ATP8B4: variants seen among roughly 807,000 people sequenced by gnomAD.
ATP8B4 encodes the protein probable phospholipid-transporting ATPase IM.
ATP8B4 carries 133 observed loss-of-function variants against 145.6 expected under a neutral mutation model. The observed-to-expected ratio is 0.91, with a 90% CI of 0.79 to 1.05. The LOEUF is 1.05. Among genes scored for constraint, ATP8B4 ranks in the 50% least tolerant of loss-of-function variants. The pLI is 0.00. For synonymous variants in ATP8B4, 507 were observed against 492.9 expected, an observed-to-expected ratio of 1.03 and a Z score of -0.38; for missense variants, 1,458 against 1,425.2, an observed-to-expected ratio of 1.02 and a Z score of -0.37.
In ATP8B4 at chr15:49,898,178, C is replaced by T; in HGVS notation, c.2363G>A (p.Cys788Tyr). Residue 788 changes from cysteine (C) to tyrosine (Y), a missense_variant, in exon 22 of 28, where the codon TGC becomes TAC. Physicochemically the swap from Cys to Tyr is radical, Grantham distance 194 (BLOSUM62 -2). Coordinates refer to ENST00000284509, the MANE Select transcript of ATP8B4 (RefSeq NM_024837.4). ...LACMCKTVIC[C>Y]RVTPLQKAQV... ...GGCTTTCTGGAGTGGAGTGACCCTG[C>T]AGCAAATTACAGTCTTACACATGCA... 1 of 1,613,838 alleles carries T rather than the reference C, an allele frequency of 6.2e-7. No individual in the cohort carries two copies. The highest frequency in any genetic ancestry group is 8.5e-7 in the Non-Finnish European group (1 of 1,179,876).
At chr15:50,004,083 A>T (rs1176881917) in intron 7 of ATP8B4, among the ~76,000 whole-genome samples, 1 of 151,772 alleles carries the variant, frequency 6.6e-6, no homozygotes, top group Non-Finnish European at 1.5e-5. Context: ...TGTTCTCTGA[A>T]CCTTCCTCCT....
At chr15:49,930,924 C>A (rs1011090084) in intron 16 of ATP8B4, among the ~76,000 whole-genome samples, 195 bp downstream of exon 16, 2 of 151,868 alleles carry the variant, frequency 1.3e-5, no homozygotes, top group African/African-American at 4.8e-5. Flanking sequence ...GTGCTGGGCA[C>A]ATAATGAGCA....
intron 3 of ATP8B4, among the ~76,000 whole-genome samples, chr15:50,066,382 C>T (rs572782317): frequency 6.6e-6 from 1 of 152,100 alleles, no homozygotes; most frequent in African/African-American, 2.4e-5. Context: ...ATAACAAATG[C>T]AAGTTACTGG....
chr15:50,085,038 C>T (rs1310915301), intron 2 of ATP8B4, among the ~76,000 whole-genome samples: 1 of 152,152 alleles, frequency 6.6e-6, no homozygotes, highest in Admixed American at 6.5e-5. Flanking sequence ...TCTTATCTCT[C>T]TCTCCTACTC....
At chr15:50,153,471 G>A (rs1166264954) in intron 1 of ATP8B4, among the ~76,000 whole-genome samples, 3 of 151,740 alleles carry the variant, frequency 2.0e-5, no homozygotes, top group South Asian at 2.1e-4. Flanking sequence ...CCTGAGTAGC[G>A]GGAACTACAG....
chr15:50,095,292 T>C (rs541115848), intron 2 of ATP8B4, among the ~76,000 whole-genome samples: 2 of 152,098 alleles, frequency 1.3e-5, no homozygotes, highest in East Asian at 3.9e-4. Context: ...AGAGAGAGAA[T>C]ATTAGCAAAA....
chr15:50,039,720 T>C (rs181255191), intron 5 of ATP8B4, among the ~76,000 whole-genome samples: 8 of 148,252 alleles, frequency 5.4e-5, no homozygotes, highest in Non-Finnish European at 4.4e-5. Context: ...CAGAATGTTT[T>C]CTTTTTTTCT....
chr15:50,049,451 T>G (rs536589488), intron 3 of ATP8B4, among the ~76,000 whole-genome samples: 37 of 152,350 alleles, frequency 2.4e-4, no homozygotes, highest in African/African-American at 8.9e-4. Flanking sequence ...GCCTCCAGCT[T>G]CACCCATGCT....
At chr15:49,978,946 T>TAAG (rs1429483145) in intron 12 of ATP8B4, among the ~76,000 whole-genome samples, 5 of 152,096 alleles carry the variant, frequency 3.3e-5, no homozygotes, top group African/African-American at 1.2e-4. Context: ...GTAGAAGTTA[T>TAAG]AAATCATACT....
Position 50,038,789 on chromosome 15 carries a change from G to A in ATP8B4, c.341C>T (p.Ser114Phe). Residue 114 changes from serine to phenylalanine, a missense_variant, in exon 6 of 28, where the codon TCT (serine) becomes TTT (phenylalanine). By Grantham distance (155) the Ser-to-Phe change is radical. Transcript: ENST00000284509. The part of the protein sequence containing the change: ...KSDNQVNNRQ[S>F]EVLINSKLQN... Reference sequence around the variant, plus strand: ...TTACTTGCTGTTGATGAGCACTTCAGACTGCCGATTATTCACTTGATTATC... The same window carrying A: ...TTACTTGCTGTTGATGAGCACTTCAAACTGCCGATTATTCACTTGATTATC... The A allele has an allele frequency of 6.2e-7, 1 of 1,613,662 alleles. No individual in the cohort carries two copies.
intron 23 of ATP8B4, chr15:49,895,902 G>T (rs1451748100): frequency 6.6e-6 from 1 of 152,176 alleles, no homozygotes; most frequent in Admixed American, 6.5e-5. Context: ...GTTTTTAAAT[G>T]GGGTTTGTCC....
intron 9 of ATP8B4, among the ~76,000 whole-genome samples, chr15:49,990,188 A>C (rs1001786560): frequency 3.3e-5 from 5 of 152,180 alleles, no homozygotes; most frequent in African/African-American, 1.2e-4. Context: ...AGAAGCAACC[A>C]AAATGAGAGC....
chr15:50,162,153 G>A (rs912775129), intron 1 of ATP8B4, among the ~76,000 whole-genome samples: 3 of 151,940 alleles, frequency 2.0e-5, no homozygotes, highest in African/African-American at 7.2e-5. Flanking sequence ...GAGCTTTCTT[G>A]TATGTTACTT....
chr15:50,158,653 G>A (rs1379121807), intron 1 of ATP8B4, among the ~76,000 whole-genome samples: 1 of 152,270 alleles, frequency 6.6e-6, no homozygotes, highest in Non-Finnish European at 1.5e-5. Flanking sequence ...GCGGTTTTGT[G>A]GAATAGAAAA....
At chr15:49,894,321 T>C (rs1256112143) in intron 23 of ATP8B4, among the ~76,000 whole-genome samples, 2 of 152,204 alleles carry the variant, frequency 1.3e-5, no homozygotes, top group Non-Finnish European at 2.9e-5. Flanking sequence ...GGGACCAAAG[T>C]ACCCTTTCCA....
intron 2 of ATP8B4, among the ~76,000 whole-genome samples, chr15:50,084,758 T>G (rs2054783523): frequency 6.6e-6 from 1 of 152,190 alleles, no homozygotes; most frequent in Non-Finnish European, 1.5e-5. Context: ...TTCTAAAAGC[T>G]GCCCACGTCC....
chr15:50,074,105 G>A, intron 3 of ATP8B4, 22 bp downstream of exon 3: 2 of 1,601,244 alleles, frequency 1.2e-6, no homozygotes, highest in Non-Finnish European at 1.7e-6. Context: ...TAGTACGTAT[G>A]TGTTATGTGT....
intron 3 of ATP8B4, among the ~76,000 whole-genome samples, chr15:50,067,848 GC>G (rs1408739179): frequency 1.3e-5 from 2 of 152,064 alleles, no homozygotes; most frequent in Admixed American, 6.6e-5. Flanking sequence ...TTTGTACATT[GC>G]CGCAAATACT....
intron 14 of ATP8B4, among the ~76,000 whole-genome samples, chr15:49,945,205 T>G (rs1243803063): frequency 6.6e-6 from 1 of 151,956 alleles, no homozygotes; most frequent in African/African-American, 2.4e-5. Context: ...TGACAGAAAT[T>G]AAGAGAATCT....
Sources: gnomAD v4.1 joint callset for allele counts (sites outside exome capture counted in the v4.1 genomes callset) on GRCh38, gnomAD v4.1.1 for gene constraint, MANE v1.5 for transcripts, NCBI Gene and HGNC (gene_info 2026-07-23, HGNC 2026-07-21) for gene names.